The following FBXW12 variants were observed in gnomAD, a reference collection of about 807,000 sequenced individuals.
FBXW12 encodes the protein F-box and WD repeat domain containing 12, also known as F-box/WD repeat-containing protein 12.
In FBXW12, 43 loss-of-function variants were observed where a neutral mutation model predicts 55.3. The observed-to-expected ratio is 0.78, with a 90% confidence interval of 0.61 to 1.00. The LOEUF is 1.00. FBXW12 is among the 50% of genes least tolerant of loss of function. The pLI is 0.00. For missense variants in FBXW12, 524 were observed against 560.5 expected (o/e 0.93, Z 0.66); for synonymous variants, 184 against 203.8 (o/e 0.90, Z 0.83).
intron 10 of FBXW12, among the ~76,000 whole-genome samples, chr3:48,388,166 G>A (rs1196007321): frequency 6.6e-6 from 1 of 152,056 alleles, no homozygotes; most frequent in Non-Finnish European, 1.5e-5. Context: ...TTCTTTTATA[G>A]TTGTTAAAAT....
intron 10 of FBXW12, among the ~76,000 whole-genome samples, chr3:48,382,349 T>C (rs1376477853): frequency 1.3e-5 from 2 of 152,188 alleles, no homozygotes; most frequent in African/African-American, 4.8e-5. Flanking sequence ...TCTCCTGGTC[T>C]CGTGATCCGC....
rs1213578415 is a variant in FBXW12, at chr3:48,389,205, G to A, written c.1296-5355G>A. Among the ~76,000 whole-genome samples the A allele has an allele frequency of 4.6e-5, 7 of 152,122 alleles. No homozygotes were observed. In the East Asian group the frequency reaches 1.3e-3, roughly 29 times the overall value. ...CAGGAGTTCAAGGCTGCATTGAGCT[G>A]TCCATGTTTGCCCATTTTTTAATGG... On this transcript the variant is annotated intron_variant, in intron 10 of 10. Transcript: ENST00000296438.
chr3:48,384,979 A>T (rs1269612742), intron 10 of FBXW12, among the ~76,000 whole-genome samples: 1 of 152,208 alleles, frequency 6.6e-6, no homozygotes, highest in East Asian at 1.9e-4. Flanking sequence ...GTGGTAAAAA[A>T]TACTTAAAAT....
In FBXW12 at chr3:48,378,407, C is replaced by G; in HGVS notation, c.496C>G (p.Arg166Gly). Residue 166 changes from arginine to glycine, a missense_variant, in exon 6 of 11, where the codon CGG (arginine) becomes GGG (glycine). Transcript: ENST00000296438. The stretch of plus-strand genomic sequence containing the variant: ...GATGCATCTCGCCATCACTATGGAT[C>G]GGAAAAAAACTATCAAAGTGTGGAA... ...PQMHLAITMDRKKTIKVWNCQ... is the reference protein window; with the variant it reads ...PQMHLAITMDGKKTIKVWNCQ... 6.2e-7 allele frequency: 1 copy of G among 1,613,428 alleles called. No individual in the cohort carries two copies. Among genetic ancestry groups the G allele is most frequent in the Non-Finnish European group, 8.5e-7 (1 of 1,179,774 alleles).
chr3:48,374,445 A>G (rs1486794444), intron 4 of FBXW12, among the ~76,000 whole-genome samples: 3 of 150,400 alleles, frequency 2.0e-5, no homozygotes, highest in Non-Finnish European at 4.4e-5. Context: ...CTCCTGCCTT[A>G]GCCCCCTGAG....
rs989869898 is a variant in FBXW12, at chr3:48,381,913, G to GAC, written c.1164+36_1164+37dup. ...ATTCTCCTCCACTGCTTTTTGATCT[G>GAC]ACTTTGACTCCTTGGCCACTCACTC... On this transcript the variant is annotated intron_variant, in intron 9 of 10. Coordinates refer to ENST00000296438, the MANE Select transcript of FBXW12 (RefSeq NM_207102.2). The GAC allele has an allele frequency of 1.9e-6, 3 of 1,612,680 alleles. No homozygotes were observed. The African/African-American group carries it at 4.0e-5, about 22-fold the overall frequency.
chr3:48,394,643 A>T lies in FBXW12; in HGVS notation c.1379A>T (p.Tyr460Phe). The T allele has an allele frequency of 6.3e-7, 1 of 1,582,108 alleles. No homozygotes were observed. The change falls in exon 11 of 11, where the codon TAT becomes TTT. Residue 460 changes from tyrosine (Y) to phenylalanine (F), a missense_variant. Physicochemically the swap from Tyr to Phe is conservative, Grantham distance 22 (BLOSUM62 3). Coordinates refer to ENST00000296438, the MANE Select transcript of FBXW12 (RefSeq NM_207102.2). ...AGTGACTCCAGCATTCTGGTGATGT[A>T]TTCTTTGAATACGTAATATGGAAAC... ...KVSDSSILVM[Y>F]SLNT
intron 9 of FBXW12, 21 bp downstream of exon 9, chr3:48,381,899 C>T: frequency 6.2e-7 from 1 of 1,611,226 alleles, no homozygotes; most frequent in Non-Finnish European, 8.5e-7. Context: ...TTCTCCTCCA[C>T]TGCTTTTTGA....
chr3:48,373,777 G>C, intron 4 of FBXW12, 72 bp downstream of exon 4: 2 of 1,375,124 alleles, frequency 1.5e-6, no homozygotes, highest in Non-Finnish European at 2.0e-6. Flanking sequence ...GATTTTTGCT[G>C]TGTGCAGTTG....
chr3:48,374,730 G>A (rs2036657621), intron 4 of FBXW12, among the ~76,000 whole-genome samples: 1 of 148,792 alleles, frequency 6.7e-6, no homozygotes, highest in African/African-American at 2.5e-5. Context: ...CCTCACAGGC[G>A]TGAGCCACTG....
chr3:48,378,781 A>ATTTTTTGTATTTTT (rs1183815024), intron 6 of FBXW12, among the ~76,000 whole-genome samples: 11 of 151,882 alleles, frequency 7.2e-5, no homozygotes, highest in Non-Finnish European at 1.6e-4. Flanking sequence ...TGCCTGGCTA[A>ATTTTTTGTATTTTT]TTTTTTGTAT....
At position 48,381,674 on chromosome 3, in the gene FBXW12, T is replaced by C; in HGVS notation, c.986-26T>C. ...TTACTTCCTTATGTGTGTGTGTATA[T>C]ATATGTGCGTTTTACATGAAAACAG... On this transcript the variant is annotated intron_variant, in intron 8 of 10. Transcript: ENST00000296438. The C allele has an allele frequency of 3.3e-6, 5 of 1,536,842 alleles. No homozygotes were observed. In the South Asian group the frequency reaches 6.4e-5, roughly 20 times the overall value.
intron 10 of FBXW12, among the ~76,000 whole-genome samples, chr3:48,382,305 C>T (rs752335138): frequency 1.9e-4 from 29 of 152,232 alleles, no homozygotes; most frequent in East Asian, 1.5e-3. Context: ...TTAGTAGAGA[C>T]TGGGTTTCCC....
At chr3:48,392,542 A>G (rs1173493554) in intron 10 of FBXW12, among the ~76,000 whole-genome samples, 2 of 150,664 alleles carry the variant, frequency 1.3e-5, no homozygotes, top group Admixed American at 6.6e-5. Context: ...TGGTAATGTG[A>G]TGCCTCCAGC....
chr3:48,394,722 G>T lies in FBXW12; in HGVS notation c.*63G>T. 1 of 904,034 alleles carries T rather than the reference G, an allele frequency of 1.1e-6. No homozygotes were observed. The highest frequency in any genetic ancestry group is 1.8e-6 in the Non-Finnish European group (1 of 564,154). The allele number at this position is 904,034 out of a possible 1,614,324, so 56.0% of individuals were successfully genotyped here. A position where few individuals can be genotyped will look rare whatever the true frequency, so the allele number is the denominator to read the frequency against. ...GCAATGTAGTAAAGAAATTCTATTT[G>T]CAAGCCCAGAATGATTATTTTAGTG... On this transcript the variant is annotated 3_prime_UTR_variant, in exon 11 of 11. Transcript: ENST00000296438.
At chr3:48,379,268 G>C (rs903930704) in intron 6 of FBXW12, 132 bp from the exon 7 acceptor site, 1 of 834,782 alleles carries the variant, frequency 1.2e-6, no homozygotes, top group African/African-American at 1.7e-5. Context: ...AGCTAGACTG[G>C]TCAGAGGTTT....
Position 48,380,870 on chromosome 3 carries a change from G to T in FBXW12, c.943G>T (p.Asp315Tyr). The T allele has an allele frequency of 6.2e-7, 1 of 1,614,070 alleles. No homozygotes were observed. Among genetic ancestry groups the T allele is most frequent in the South Asian group, 1.1e-5 (1 of 91,072 alleles). Reference protein sequence around the residue: ...TGKKTEFITFDLTTKKTGGQT... With the variant: ...TGKKTEFITFYLTTKKTGGQT... ...AAAAAAGACAGAATTTATCACCTTTGATCTAACAACCAAGAAGACTGGAGG... is the reference window on the plus strand; with the variant it reads ...AAAAAAGACAGAATTTATCACCTTTTATCTAACAACCAAGAAGACTGGAGG... The change falls in exon 8 of 11, where the codon GAT becomes TAT. Residue 315 changes from aspartate to tyrosine, a missense_variant. By Grantham distance (160) the Asp-to-Tyr change is radical (BLOSUM62 -3). Transcript: ENST00000296438.
chr3:48,376,010 C>T (rs1461523698), intron 5 of FBXW12, among the ~76,000 whole-genome samples: 2 of 96,702 alleles, frequency 2.1e-5, no homozygotes, highest in Non-Finnish European at 3.7e-5. Context: ...TTGAGACAGT[C>T]TCACTGTGTT....
intron 10 of FBXW12, among the ~76,000 whole-genome samples, chr3:48,383,000 G>A (rs2036799701): frequency 2.6e-5 from 4 of 152,222 alleles, no homozygotes; most frequent in Admixed American, 2.6e-4. Context: ...AGCTCCCTAA[G>A]TGTCCAAACA....
Sources: allele counts gnomAD v4.1 joint callset (sites outside exome capture counted in the v4.1 genomes callset), GRCh38; gene constraint gnomAD v4.1.1; transcripts MANE v1.5; gene names NCBI Gene and HGNC (gene_info 2026-07-23, HGNC 2026-07-21).